Variants in AKAP19 observed in about 807,000 individuals in gnomAD.
The protein encoded by AKAP19 is small A-kinase anchoring protein.
the AKAP19 span, among the ~76,000 whole-genome samples, chr2:189,961,845 G>C: frequency 6.6e-6 from 1 of 151,994 alleles, no homozygotes; most frequent in East Asian, 1.9e-4. Context: ...CTGGGAGGTG[G>C]AGGTTGCAGT....
the AKAP19 span, among the ~76,000 whole-genome samples, chr2:189,944,843 G>C: frequency 6.6e-6 from 1 of 151,998 alleles, no homozygotes; most frequent in Non-Finnish European, 1.5e-5. Context: ...CATATCTTAG[G>C]CCATAAAACA....
the AKAP19 span, among the ~76,000 whole-genome samples, chr2:189,982,278 C>T: frequency 6.6e-6 from 1 of 152,124 alleles, no homozygotes; most frequent in Non-Finnish European, 1.5e-5. Flanking sequence ...AATTCTTTCT[C>T]TGATTTAGTC....
the AKAP19 span, among the ~76,000 whole-genome samples, chr2:190,088,104 A>C: frequency 6.6e-6 from 1 of 152,230 alleles, no homozygotes; most frequent in Non-Finnish European, 1.5e-5. Flanking sequence ...TAAAGATGGC[A>C]GAAAGGAAAT....
the AKAP19 span, among the ~76,000 whole-genome samples, chr2:189,954,039 G>A: frequency 6.6e-6 from 1 of 152,236 alleles, no homozygotes; most frequent in Non-Finnish European, 1.5e-5. Flanking sequence ...TGAAGATGTA[G>A]TAGTAAAATG....
chr2:190,174,803 A>G, the AKAP19 span, among the ~76,000 whole-genome samples: 1 of 152,248 alleles, frequency 6.6e-6, no homozygotes, highest in Admixed American at 6.5e-5. Flanking sequence ...TCTTGATGCC[A>G]AAAATGGTTA....
At chr2:190,101,847 C>A in the AKAP19 span, among the ~76,000 whole-genome samples, 1 of 152,060 alleles carries the variant, frequency 6.6e-6, no homozygotes, top group Non-Finnish European at 1.5e-5. Flanking sequence ...CCTATCTAAT[C>A]TAATAGATAT....
the AKAP19 span, among the ~76,000 whole-genome samples, chr2:190,004,121 T>G: frequency 7.1e-6 from 1 of 141,350 alleles, no homozygotes; most frequent in African/African-American, 2.9e-5. Flanking sequence ...GAAAATTCTA[T>G]TCTTAGAATG....
At chr2:190,114,251 C>G in the AKAP19 span, among the ~76,000 whole-genome samples, 1 of 152,120 alleles carries the variant, frequency 6.6e-6, no homozygotes, top group African/African-American at 2.4e-5. Context: ...GTAGTAATTT[C>G]TCATTTAGAC....
chr2:189,926,448 C>T, the AKAP19 span, among the ~76,000 whole-genome samples: 2 of 151,898 alleles, frequency 1.3e-5, no homozygotes, highest in South Asian at 2.1e-4. Context: ...TACCATGCCC[C>T]GCTAATTTTT....
the AKAP19 span, chr2:190,199,709 C>T: frequency 1.2e-5 from 18 of 1,461,874 alleles, no homozygotes; most frequent in South Asian, 2.2e-4. Flanking sequence ...AAACACTACA[C>T]GTGAAGAGTG....
the AKAP19 span, among the ~76,000 whole-genome samples, chr2:189,955,330 A>G: frequency 6.6e-6 from 1 of 152,114 alleles, no homozygotes; most frequent in South Asian, 2.1e-4. Context: ...ATTCTATGGT[A>G]TATATGTATA....
the AKAP19 span, among the ~76,000 whole-genome samples, chr2:189,972,047 G>A: frequency 6.6e-6 from 1 of 152,142 alleles, no homozygotes; most frequent in African/African-American, 2.4e-5. Context: ...TTGACATGAA[G>A]TCCTTGCCCA....
chr2:190,028,356 G>A, the AKAP19 span, among the ~76,000 whole-genome samples: 1 of 152,122 alleles, frequency 6.6e-6, no homozygotes, highest in Non-Finnish European at 1.5e-5. Flanking sequence ...TTGGTTAGTA[G>A]AATTCTTAAG....
chr2:190,082,896 C>T, the AKAP19 span, among the ~76,000 whole-genome samples: 1 of 152,154 alleles, frequency 6.6e-6, no homozygotes, highest in East Asian at 1.9e-4. Context: ...ATGTGAGATG[C>T]TCAAATACAT....
chr2:190,065,164 C>T, the AKAP19 span, among the ~76,000 whole-genome samples: 14 of 151,914 alleles, frequency 9.2e-5, no homozygotes, highest in African/African-American at 3.4e-4. Context: ...TTTATTGCTC[C>T]TCTTATTGAT....
chr2:189,969,741 A>G, the AKAP19 span, among the ~76,000 whole-genome samples: 1 of 151,480 alleles, frequency 6.6e-6, no homozygotes, highest in East Asian at 1.9e-4. Context: ...AAAAAAAAAA[A>G]AAAAAAAAGA....
At chr2:190,084,125 C>G in the AKAP19 span, among the ~76,000 whole-genome samples, 2 of 135,648 alleles carry the variant, frequency 1.5e-5, no homozygotes, top group Middle Eastern at 9.4e-3. Context: ...CAGAGTCTGG[C>G]TCTGTTGCCC....
the AKAP19 span, chr2:190,057,266 A>G: frequency 6.2e-7 from 1 of 1,613,190 alleles, no homozygotes; most frequent in Non-Finnish European, 8.5e-7. Flanking sequence ...TCTCATGAGC[A>G]CCCACAGCGG....
At chr2:189,950,899 C>A in the AKAP19 span, among the ~76,000 whole-genome samples, 2 of 152,192 alleles carry the variant, frequency 1.3e-5, no homozygotes, top group African/African-American at 4.8e-5. Flanking sequence ...TGCCATTTGG[C>A]TCTCTATCCC....
Sources: allele counts gnomAD v4.1 joint callset (sites outside exome capture counted in the v4.1 genomes callset), GRCh38; gene constraint gnomAD v4.1.1; transcripts MANE v1.5; gene names NCBI Gene and HGNC (gene_info 2026-07-23, HGNC 2026-07-21).